Variants in TMPRSS11D observed in about 807,000 individuals in gnomAD.
The protein encoded by TMPRSS11D is transmembrane serine protease 11D, also known as transmembrane protease serine 11D.
In TMPRSS11D, 32 loss-of-function variants were observed where a neutral mutation model predicts 44.4. That is an observed-to-expected ratio of 0.72 (90% CI 0.54 to 0.97). The LOEUF (loss-of-function observed/expected upper bound fraction) is 0.97, where lower values mean the gene tolerates loss of function less well. TMPRSS11D is among the 50% of genes least tolerant of loss of function. TMPRSS11D has a pLI of 0.00. For missense variants in TMPRSS11D, 446 were observed against 502.6 expected, an observed-to-expected ratio of 0.89 and a Z score of 1.08; for synonymous variants, 179 against 177.9, an observed-to-expected ratio of 1.01 and a Z score of -0.05.
chr4:67,842,299 G>A (rs1228109891), intron 4 of TMPRSS11D, among the ~76,000 whole-genome samples: 1 of 152,048 alleles, frequency 6.6e-6, no homozygotes, highest in South Asian at 2.1e-4. Flanking sequence ...CCTTGTTACT[G>A]TACCTTCACC....
At chr4:67,870,813 C>CAA (rs11318143) in intron 1 of TMPRSS11D, among the ~76,000 whole-genome samples, 9,508 of 133,782 alleles carry the variant, frequency 0.071, 834 homozygotes, top group African/African-American at 0.22. Context: ...GACCCTGTCT[C>CAA]AAAAAAAAAA....
chr4:67,844,155 G>A lies in TMPRSS11D; in HGVS notation c.250-1530C>T, dbSNP rs551585151. On this transcript the variant is annotated intron_variant, in intron 3 of 9. Coordinates refer to ENST00000283916, the MANE Select transcript of TMPRSS11D (RefSeq NM_004262.3). The stretch of plus-strand genomic sequence containing the variant: ...TATACTGTGAGGTGGCACCTAGGTG[G>A]ATGTGGATATGAAAAGGTGAAGACA... Among the ~76,000 whole-genome samples the A allele has an allele frequency of 7.9e-5, 12 of 152,282 alleles. No homozygotes were observed. In the South Asian group the frequency reaches 2.3e-3, roughly 29 times the overall value.
intron 1 of TMPRSS11D, among the ~76,000 whole-genome samples, chr4:67,870,553 G>A (rs1056375231): frequency 1.4e-4 from 21 of 152,050 alleles, no homozygotes; most frequent in African/African-American, 5.1e-4. Context: ...GGTGGCCCAC[G>A]CCTGTAATCC....
At chr4:67,851,743 G>A (rs1718515408) in intron 3 of TMPRSS11D, among the ~76,000 whole-genome samples, 1 of 152,100 alleles carries the variant, frequency 6.6e-6, no homozygotes, top group South Asian at 2.1e-4. Context: ...TCCTCTTCTA[G>A]CCAATGGCAC....
Position 67,835,788 on chromosome 4 carries a change from G to C in TMPRSS11D, c.476-667C>G, listed in dbSNP as rs372909148. 5.5e-4 allele frequency among the ~76,000 whole-genome samples: 84 copies of C among 152,278 alleles called. No individual in the cohort carries two copies. In the South Asian group the frequency reaches 0.015, roughly 27 times the overall value. ...ACACAAGAGGACAAAAGAGATTCCA[G>C]ATAGAAGGTACAGTGGGCACAAATG... On this transcript the variant is annotated intron_variant, in intron 5 of 9. Coordinates refer to ENST00000283916, the MANE Select transcript of TMPRSS11D (RefSeq NM_004262.3).
intron 3 of TMPRSS11D, among the ~76,000 whole-genome samples, chr4:67,853,476 A>G (rs1718557411): frequency 1.3e-5 from 2 of 152,212 alleles, no homozygotes; most frequent in Non-Finnish European, 2.9e-5. Flanking sequence ...TAAGTGAGTG[A>G]CACTGAGACT....
intron 1 of TMPRSS11D, among the ~76,000 whole-genome samples, chr4:67,883,512 A>G (rs1719375886): frequency 6.6e-6 from 1 of 152,052 alleles, no homozygotes; most frequent in South Asian, 2.1e-4. Context: ...TGGCATATTT[A>G]TTTAATAGCT....
intron 3 of TMPRSS11D, among the ~76,000 whole-genome samples, chr4:67,843,883 A>G (rs996938177): frequency 1.1e-4 from 17 of 152,352 alleles, no homozygotes; most frequent in African/African-American, 4.1e-4. Flanking sequence ...AGATCATGCC[A>G]CTGTACTCCA....
In TMPRSS11D at chr4:67,848,768, C is replaced by T. The variant is rs74342478; in HGVS notation, c.249+5300G>A. Among the ~76,000 whole-genome samples, 1,076 of 152,284 alleles carry T rather than the reference C, an allele frequency of 7.1e-3. 7 individuals carry two copies. The highest frequency in any genetic ancestry group is 0.019 in the South Asian group (92 of 4,822). On this transcript the variant is annotated intron_variant, in intron 3 of 9. Coordinates refer to ENST00000283916, the MANE Select transcript of TMPRSS11D (RefSeq NM_004262.3). ...TTGTACTTAAGGAATGAAAGAAAGC[C>T]AGTGCAACTGTACCATGGAGAGCAA...
chr4:67,863,244 G>T (rs1411687635), intron 1 of TMPRSS11D, among the ~76,000 whole-genome samples: 13 of 146,514 alleles, frequency 8.9e-5, no homozygotes, highest in Non-Finnish European at 1.2e-4. Context: ...ATAGCTGTTG[G>T]TTATTATTAT....
chr4:67,829,446 T>A (rs1478279195), intron 7 of TMPRSS11D, among the ~76,000 whole-genome samples: 4 of 9,916 alleles, frequency 4.0e-4, no homozygotes, highest in South Asian at 4.2e-3. Context: ...AACAGTAGCG[T>A]TAAAAAAAAA....
At chr4:67,860,450 A>C (rs1270614144) in intron 1 of TMPRSS11D, 1 of 152,070 alleles carries the variant, frequency 6.6e-6, no homozygotes, top group African/African-American at 2.4e-5. Context: ...AAAAATAGGA[A>C]TAATAATACC....
chr4:67,880,421 T>C (rs890288442), intron 1 of TMPRSS11D, among the ~76,000 whole-genome samples: 1 of 152,022 alleles, frequency 6.6e-6, no homozygotes, highest in African/African-American at 2.4e-5. Context: ...GGACAGGAGA[T>C]ATGGGTCAAG....
rs773777148 is a variant in TMPRSS11D at position 67,835,107 on chromosome 4, C to A, written c.490G>T (p.Ala164Ser). The change falls in exon 6 of 10, where the codon GCT (alanine) becomes TCT (serine). Residue 164 changes from alanine to serine, a missense_variant. By Grantham distance (99) the Ala-to-Ser change is moderately conservative (BLOSUM62 1). Transcript: ENST00000283916. ...CCATTAATAAGCCAATTTGCTGCAG[C>A]CTGGTCAGTAAGTGCTAGTATTAAA... ...STEITSLTDQ[A>S]AANWLINECG... The A allele has an allele frequency of 1.2e-6, 2 of 1,612,094 alleles. No homozygotes were observed. Among genetic ancestry groups the A allele is most frequent in the African/African-American group, 1.3e-5 (1 of 74,802 alleles).
intron 6 of TMPRSS11D, among the ~76,000 whole-genome samples, chr4:67,834,596 G>A (rs937196747): frequency 6.6e-6 from 1 of 152,130 alleles, no homozygotes; most frequent in Non-Finnish European, 1.5e-5. Flanking sequence ...GGATGATGTT[G>A]AAGAGTAGTG....
intron 9 of TMPRSS11D, among the ~76,000 whole-genome samples, chr4:67,824,690 T>A (rs1028445624): frequency 6.6e-6 from 1 of 152,144 alleles, no homozygotes; most frequent in Non-Finnish European, 1.5e-5. Flanking sequence ...TGAGAACTAC[T>A]TTTTATCCAC....
rs776326215 is a variant in TMPRSS11D at position 67,838,216 on chromosome 4, T to C, written c.431A>G (p.Asn144Ser). Residue 144 changes from asparagine (N) to serine (S), a missense_variant, in exon 5 of 10, where the codon AAT (asparagine) becomes AGT (serine). Asn to Ser is a conservative substitution (Grantham distance 46). Transcript: ENST00000283916. ...RIESVLRQML[N>S]NSGNLEINPS... ...GTTTATTTCCAGGTTTCCAGAGTTA[T>C]TCAGCATTTGTCGTAAAACAGACTC... The C allele has an allele frequency of 1.3e-6, 2 of 1,593,248 alleles. No individual in the cohort carries two copies. Among genetic ancestry groups the C allele is most frequent in the Non-Finnish European group, 8.5e-7 (1 of 1,171,614 alleles).
Position 67,842,585 on chromosome 4 carries a change from A to T in TMPRSS11D, c.290T>A (p.Phe97Tyr). ...TFKESNLRNQ[F>Y]IRAHVAKLRQ... The stretch of plus-strand genomic sequence containing the variant: ...CAGTTTGGCAACATGAGCTCTGATG[A>T]ACTGATTTCTTAAATTTGATTCTTT... The change falls in exon 4 of 10, where the codon TTC becomes TAC. Residue 97 changes from phenylalanine to tyrosine, a missense_variant. Transcript: ENST00000283916. The T allele has an allele frequency of 6.2e-7, 1 of 1,606,188 alleles. No individual in the cohort carries two copies. The highest frequency in any genetic ancestry group is 1.7e-4 in the Middle Eastern group (1 of 5,862).
chr4:67,877,617 C>T (rs74668801), intron 1 of TMPRSS11D, among the ~76,000 whole-genome samples: 1,830 of 152,210 alleles, frequency 0.012, 36 homozygotes, highest in African/African-American at 0.041. Context: ...TCCTTTGCCC[C>T]GTCAAATAGG....
Sources: allele counts gnomAD v4.1 joint callset (sites outside exome capture counted in the v4.1 genomes callset), GRCh38; gene constraint gnomAD v4.1.1; transcripts MANE v1.5; gene names NCBI Gene and HGNC (gene_info 2026-07-23, HGNC 2026-07-21).